GIGYF2: variants seen among roughly 807,000 people sequenced by gnomAD.
GIGYF2 encodes GRB10-interacting GYF protein 2.
Under a neutral mutation model 208.1 loss-of-function variants are expected in GIGYF2, and 25 were observed. That is an observed-to-expected ratio of 0.12 (90% CI 0.09 to 0.17). The LOEUF is 0.17. GIGYF2 is among the 10% of genes least tolerant of loss of function. GIGYF2 has a pLI of 1.00. For missense variants in GIGYF2, 1,302 were observed against 1,579.4 expected (o/e 0.82, Z 2.98); for synonymous variants, 534 against 543.8 (o/e 0.98, Z 0.25).
At position 232,850,341 on chromosome 2, in the gene GIGYF2, T is replaced by C; in HGVS notation, c.3764T>C (p.Phe1255Ser). 1.2e-6 allele frequency: 2 copies of C among 1,613,964 alleles called. No individual in the cohort carries two copies. The highest frequency in any genetic ancestry group is 1.1e-5 in the South Asian group (1 of 91,078). ...TNQSNNQQSN[F>S]EAVQSGKKKK... ...CAAAGCAACAACCAACAATCCAATTTTGAGGCTGTGCAGAGTGGCAAGAAG... is the reference window on the plus strand; with the variant it reads ...CAAAGCAACAACCAACAATCCAATTCTGAGGCTGTGCAGAGTGGCAAGAAG... The change falls in exon 28 of 29, where the codon TTT (phenylalanine) becomes TCT (serine). Residue 1255 changes from phenylalanine (F) to serine (S), a missense_variant. Transcript: ENST00000373563.
rs1389958680 is a variant in GIGYF2, at chr2:232,858,046, TTCTGGTCATGGCC to T, written c.*1189_*1201del. The stretch of plus-strand genomic sequence containing the variant: ...ATGGGAGCAGGAAGCCTGGCCTGGC[TTCTGGTCATGGCC>T]TCCTAAAACCTTAAACTTCAAGTAG... On this transcript the variant is annotated 3_prime_UTR_variant, in exon 29 of 29. Coordinates refer to ENST00000373563, the MANE Select transcript of GIGYF2 (RefSeq NM_001103146.3). The T allele has an allele frequency of 3.0e-5, 5 of 168,466 alleles. No homozygotes were observed. Among genetic ancestry groups the T allele is most frequent in the South Asian group, 3.2e-4 (2 of 6,256 alleles). 10.4% of individuals were successfully genotyped at this position (168,466 alleles called of 1,614,324 possible). A position where few individuals can be genotyped will look rare whatever the true frequency, so the allele number is the denominator to read the frequency against.
intron 6 of GIGYF2, among the ~76,000 whole-genome samples, chr2:232,757,776 G>GC (rs1054944124): frequency 3.7e-5 from 3 of 80,098 alleles, no homozygotes; most frequent in Non-Finnish European, 7.9e-5. Context: ...AGCACCCCCC[G>GC]CCCCCCGCCA....
chr2:232,758,598 G>A (rs945639806), intron 6 of GIGYF2, among the ~76,000 whole-genome samples: 2 of 152,186 alleles, frequency 1.3e-5, no homozygotes, highest in African/African-American at 2.4e-5. Flanking sequence ...TTTAGAACCT[G>A]ATCGTTGTAG....
At chr2:232,814,849 C>A (rs1421489349) in intron 18 of GIGYF2, among the ~76,000 whole-genome samples, 1 of 151,982 alleles carries the variant, frequency 6.6e-6, no homozygotes, top group East Asian at 1.9e-4. Context: ...AAAAATAGTC[C>A]ATTGGTTTTA....
At chr2:232,839,608 AGT>A (rs2106418220) in intron 22 of GIGYF2, among the ~76,000 whole-genome samples, 1 of 152,316 alleles carries the variant, frequency 6.6e-6, no homozygotes, top group South Asian at 2.1e-4. Flanking sequence ...ATGAAATGTA[AGT>A]GTGTATGTGT....
chr2:232,762,425 G>A (rs1474767726), intron 8 of GIGYF2, among the ~76,000 whole-genome samples: 4 of 151,604 alleles, frequency 2.6e-5, no homozygotes, highest in East Asian at 1.9e-4. Flanking sequence ...GCTAATTTTT[G>A]TATTTTTAGT....
At chr2:232,756,197 C>CTTTTTTTTTTTTTT in intron 5 of GIGYF2, 26 bp from the exon 6 acceptor site, 4 of 709,930 alleles carry the variant, frequency 5.6e-6, no homozygotes, top group South Asian at 2.0e-5. Context: ...TCCTTTTTCT[C>CTTTTTTTTTTTTTT]TTTTTTTTTT....
At chr2:232,760,356 C>T (rs758241214) in intron 6 of GIGYF2, 124 bp from the exon 7 acceptor site, 1 of 712,022 alleles carries the variant, frequency 1.4e-6, no homozygotes, top group Non-Finnish European at 2.5e-6. Context: ...AGGCCTCGTT[C>T]AGTATTTAAA....
Position 232,707,728 on chromosome 2 carries a change from C to A in GIGYF2, c.-44+4239C>A, listed in dbSNP as rs776850530. Among the ~76,000 whole-genome samples the A allele has an allele frequency of 4.6e-4, 70 of 151,858 alleles. 1 individual carries two copies. The highest frequency in any genetic ancestry group is 8.5e-4 in the African/African-American group (35 of 41,380). ...TCTTGGCTCACTGCAACCTCCACCC[C>A]CTGGGTTCAAGCGATTTTCCTGCCT... On this transcript the variant is annotated intron_variant, in intron 2 of 28. Transcript: ENST00000373563.
chr2:232,821,285 C>G (rs1701073954), intron 21 of GIGYF2, among the ~76,000 whole-genome samples: 1 of 152,240 alleles, frequency 6.6e-6, no homozygotes, highest in Non-Finnish European at 1.5e-5. Context: ...TTACTGCAGC[C>G]TCTGCCTCCC....
At chr2:232,841,864 G>A (rs544023455) in intron 23 of GIGYF2, among the ~76,000 whole-genome samples, 69 of 151,964 alleles carry the variant, frequency 4.5e-4, no homozygotes, top group Admixed American at 8.5e-4. Context: ...TTTCTCCCAG[G>A]ACTGATTTTG....
intron 3 of GIGYF2, among the ~76,000 whole-genome samples, chr2:232,746,990 G>C (rs1340383339): frequency 6.6e-6 from 1 of 152,084 alleles, no homozygotes; most frequent in Admixed American, 6.6e-5. Context: ...CAGTTTGTAT[G>C]TCTTGAAACA....
intron 8 of GIGYF2, chr2:232,766,843 G>A (rs191034075): frequency 6.6e-6 from 1 of 152,310 alleles, no homozygotes; most frequent in African/African-American, 2.4e-5. Context: ...CACCAGTGGG[G>A]AAGGTTAATC....
At chr2:232,767,377 TAGG>T (rs754401227) in intron 8 of GIGYF2, 1 of 152,304 alleles carries the variant, frequency 6.6e-6, no homozygotes, top group Non-Finnish European at 1.5e-5. Flanking sequence ...GAATCATACA[TAGG>T]AGGGGAATGT....
At chr2:232,819,774 A>G in intron 20 of GIGYF2, 53 bp from the exon 21 acceptor site, 2 of 761,746 alleles carry the variant, frequency 2.6e-6, no homozygotes, top group Non-Finnish European at 4.8e-6. Context: ...AATAAATTGA[A>G]TGATAGACCT....
At chr2:232,813,679 GA>G (rs1409113896) in intron 18 of GIGYF2, among the ~76,000 whole-genome samples, 2 of 152,096 alleles carry the variant, frequency 1.3e-5, no homozygotes, top group Admixed American at 6.6e-5. Context: ...TGTTAACACT[GA>G]CCCCGCAGAT....
intron 3 of GIGYF2, among the ~76,000 whole-genome samples, chr2:232,745,542 G>A (rs906169070): frequency 6.6e-6 from 1 of 152,182 alleles, no homozygotes; most frequent in African/African-American, 2.4e-5. Context: ...GTTGGAAGGT[G>A]CAAGTGAACC....
Position 232,760,641 on chromosome 2 carries a change from A to T in GIGYF2, c.491+50A>T, listed in dbSNP as rs1313371444. ...AAAAATTTCTTGGCATATAAAACTT[A>T]TATTTTTTGCTTTCTGCGGGGAGAA... On this transcript the variant is annotated intron_variant, in intron 7 of 28. Transcript: ENST00000373563. 2.4e-6 allele frequency: 3 copies of T among 1,240,934 alleles called. No individual in the cohort carries two copies. The African/African-American group carries it at 4.5e-5, about 18-fold the overall frequency. 76.9% of individuals were successfully genotyped at this position (1,240,934 alleles called of 1,614,324 possible).
rs1698539946 is a variant in GIGYF2 at position 232,756,302 on chromosome 2, C to T, written c.347C>T (p.Ala116Val). 6.4e-7 allele frequency: 1 copy of T among 1,572,462 alleles called. No homozygotes were observed. Among genetic ancestry groups the T allele is most frequent in the East Asian group, 2.3e-5 (1 of 44,080 alleles). ...GRGGGGTVVG[A>V]PRGRSSSRGR... ...GGAGGAGGAGGAACAGTGGTGGGGG[C>T]TCCTAGAGGTCGAAGTTCTTCAAGA... is the stretch of plus-strand genomic sequence containing the variant. Residue 116 changes from alanine to valine, a missense_variant, in exon 6 of 29, where the codon GCT (alanine) becomes GTT (valine). Ala to Val is a moderately conservative substitution (Grantham distance 64). Coordinates refer to ENST00000373563, the MANE Select transcript of GIGYF2 (RefSeq NM_001103146.3).
Sources: allele counts gnomAD v4.1 joint callset (sites outside exome capture counted in the v4.1 genomes callset), GRCh38; gene constraint gnomAD v4.1.1; transcripts MANE v1.5; gene names NCBI Gene and HGNC (gene_info 2026-07-23, HGNC 2026-07-21).